ACOT7: variants seen among roughly 807,000 people sequenced by gnomAD.
The protein encoded by ACOT7 is acyl-CoA thioesterase 7.
Under a neutral mutation model 40.2 loss-of-function variants are expected in ACOT7, and 12 were observed. The ratio of observed to expected loss-of-function variants is 0.30; its 90% CI spans 0.19 to 0.48. The LOEUF (loss-of-function observed/expected upper bound fraction) is 0.48, where lower values mean the gene tolerates loss of function less well. Among genes scored for constraint, ACOT7 ranks in the 20% least tolerant of loss-of-function variants. The pLI is 0.99. For missense variants in ACOT7, 395 were observed against 530.8 expected, an observed-to-expected ratio of 0.74 and a Z score of 2.51; for synonymous variants, 228 against 219.5, an observed-to-expected ratio of 1.04 and a Z score of -0.34.
Position 6,318,566 on chromosome 1 carries a change from A to C in ACOT7, c.638T>G (p.Val213Gly). Residue 213 changes from valine (V) to glycine (G), a missense_variant, in exon 6 of 9, where the codon GTC becomes GGC. By Grantham distance (109) the Val-to-Gly change is moderately radical (BLOSUM62 -3). Transcript: ENST00000361521. ...QPVLNPEPNT[V>G]SYSQSSLIHL... Reference sequence around the variant, plus strand: ...GATCAAGCTGGACTGGCTGTAGCTGACAGTGTTCGGCTCTGGAATTGCAAA... The same window carrying C: ...GATCAAGCTGGACTGGCTGTAGCTGCCAGTGTTCGGCTCTGGAATTGCAAA... 6.2e-7 allele frequency: 1 copy of C among 1,614,096 alleles called. No homozygotes were observed. The highest frequency in any genetic ancestry group is 8.5e-7 in the Non-Finnish European group (1 of 1,179,976).
At chr1:6,279,898 G>A (rs1393287210) in intron 8 of ACOT7, among the ~76,000 whole-genome samples, 1 of 152,174 alleles carries the variant, frequency 6.6e-6, no homozygotes, top group Non-Finnish European at 1.5e-5. Context: ...GCGACTCGGC[G>A]GCCCTCCTCA....
At chr1:6,280,053 C>G (rs57590304) in intron 8 of ACOT7, among the ~76,000 whole-genome samples, 35,201 of 152,198 alleles carry the variant, frequency 0.23, 8,298 homozygotes, top group African/African-American at 0.61. Context: ...GAGCAGACGC[C>G]GCGGGGGCAG....
rs1640928183 is a variant in ACOT7 at position 6,330,595 on chromosome 1, G to A, written c.510+2882C>T. 6.6e-6 allele frequency among the ~76,000 whole-genome samples: 1 copy of A among 152,176 alleles called. No individual in the cohort carries two copies. Among genetic ancestry groups the A allele is most frequent in the Non-Finnish European group, 1.5e-5 (1 of 68,024 alleles). On this transcript the variant is annotated intron_variant, in intron 4 of 8. Transcript: ENST00000361521. The surrounding 1 kb of genome is among the most constrained non-coding windows in gnomAD (Gnocchi z 4.6). ...CCCACTCTACAAAGGAAATGAAAAA[G>A]CAACTGGGAGCTCCTCCAGGATGTG...
chr1:6,393,109 G>A (rs531302924), intron 1 of ACOT7, 148 bp downstream of exon 1: 59 of 926,454 alleles, frequency 6.4e-5, no homozygotes, highest in Non-Finnish European at 7.6e-5. Flanking sequence ...CCGGGCGGGC[G>A]TCCGGGGCGG....
chr1:6,360,442 C>T (rs1440830447), intron 1 of ACOT7: 5 of 1,315,530 alleles, frequency 3.8e-6, no homozygotes, highest in African/African-American at 1.5e-5. Flanking sequence ...CCTGAGTAGC[C>T]GGCATCCCAG....
intron 1 of ACOT7, among the ~76,000 whole-genome samples, chr1:6,360,088 A>T (rs1312415365): frequency 6.6e-6 from 1 of 152,264 alleles, no homozygotes; most frequent in African/African-American, 2.4e-5. Context: ...AAAAATAACA[A>T]GTCCTAAAAG....
chr1:6,303,275 A>C (rs1156976152), intron 6 of ACOT7, among the ~76,000 whole-genome samples: 1 of 152,180 alleles, frequency 6.6e-6, no homozygotes, highest in Non-Finnish European at 1.5e-5. Flanking sequence ...AGATGACAAC[A>C]AAATTGTAGG....
chr1:6,322,220 G>A (rs1640665841), intron 5 of ACOT7, among the ~76,000 whole-genome samples: 1 of 117,362 alleles, frequency 8.5e-6, no homozygotes, highest in African/African-American at 3.3e-5. Context: ...CAGATGCAAG[G>A]ACCTCTTGAC....
At chr1:6,375,584 G>A (rs916407959) in intron 1 of ACOT7, among the ~76,000 whole-genome samples, 1 of 151,884 alleles carries the variant, frequency 6.6e-6, no homozygotes, top group Non-Finnish European at 1.5e-5. Context: ...CAGAAGGATC[G>A]CTTGAACCCA....
intron 6 of ACOT7, among the ~76,000 whole-genome samples, chr1:6,296,613 C>T (rs1489957467): frequency 2.6e-5 from 4 of 152,132 alleles, no homozygotes; most frequent in East Asian, 1.9e-4. Context: ...TTAGTAGAGA[C>T]GGGGTTTCAC....
chr1:6,393,726 C>T lies in ACOT7; in HGVS notation c.-327G>A. ...GGGCGGCCTAAGTGGCGGAGCAGGG[C>T]GGACTTGGGCCCTCACTCTCCGCGC... On this transcript the variant is annotated 5_prime_UTR_variant, in exon 1 of 9. Transcript: ENST00000361521. The T allele has an allele frequency of 5.3e-6, 1 of 187,398 alleles. No individual in the cohort carries two copies. The highest frequency in any genetic ancestry group is 1.1e-5 in the Non-Finnish European group (1 of 91,506). The allele number at this position is 187,398 out of a possible 1,614,324, so 11.6% of individuals were successfully genotyped here.
At chr1:6,381,081 A>G (rs747033908) in intron 1 of ACOT7, among the ~76,000 whole-genome samples, 15 of 151,926 alleles carry the variant, frequency 9.9e-5, no homozygotes, top group Non-Finnish European at 2.1e-4. Flanking sequence ...ATACCACACT[A>G]TACCCATAAA....
intron 6 of ACOT7, chr1:6,295,540 T>C (rs1020672351): frequency 6.6e-6 from 1 of 152,114 alleles, no homozygotes; most frequent in African/African-American, 2.4e-5. Flanking sequence ...AGCCAAAAAG[T>C]GGAAACAACT....
intron 1 of ACOT7, among the ~76,000 whole-genome samples, chr1:6,362,437 A>G (rs1221683955): frequency 6.6e-6 from 1 of 152,018 alleles, no homozygotes; most frequent in Non-Finnish European, 1.5e-5. Context: ...TCTCAAAAAA[A>G]AAAAAGAAAA....
rs1641168208 is a variant in ACOT7 at position 6,338,369 on chromosome 1, C to A, written c.418+1064G>T. The stretch of plus-strand genomic sequence containing the variant: ...AGCCTCTCCCGAGTCGTGGGCGCTG[C>A]TCCTGTTGTGGGAGGTGCCCATACA... On this transcript the variant is annotated intron_variant, in intron 3 of 8. Transcript: ENST00000361521. This position sits in a 1 kb window ranked among gnomAD's most constrained non-coding sequence, Gnocchi z 4.4. 6.6e-6 allele frequency among the ~76,000 whole-genome samples: 1 copy of A among 152,208 alleles called. No individual in the cohort carries two copies. Among genetic ancestry groups the A allele is most frequent in the Admixed American group, 6.5e-5 (1 of 15,276 alleles).
At chr1:6,327,276 C>T (rs1164958460) in intron 5 of ACOT7, 23 bp downstream of exon 5, 15 of 1,612,376 alleles carry the variant, frequency 9.3e-6, no homozygotes, top group Non-Finnish European at 1.2e-5. Context: ...GTGGCACCTG[C>T]TGCTGGTGTC....
At chr1:6,369,512 T>C (rs1430472680) in intron 1 of ACOT7, among the ~76,000 whole-genome samples, 1 of 147,602 alleles carries the variant, frequency 6.8e-6, no homozygotes, top group Non-Finnish European at 1.5e-5. Flanking sequence ...GTTCAAGCAA[T>C]TCTCCTGCCT....
intron 1 of ACOT7, among the ~76,000 whole-genome samples, chr1:6,362,724 G>C (rs1641917077): frequency 6.6e-6 from 1 of 152,060 alleles, no homozygotes; most frequent in Non-Finnish European, 1.5e-5. Context: ...CCAGGCTCCA[G>C]AAAGATCTCT....
intron 5 of ACOT7, among the ~76,000 whole-genome samples, chr1:6,318,854 C>T: frequency 6.6e-6 from 1 of 152,202 alleles, no homozygotes; most frequent in South Asian, 2.1e-4. Flanking sequence ...CAGGGGTAGC[C>T]ATGAAACACC....
Sources: gnomAD v4.1 joint callset for allele counts (sites outside exome capture counted in the v4.1 genomes callset) on GRCh38, gnomAD v4.1.1 for gene constraint, Gnocchi (gnomAD v3.1) non-coding constraint, MANE v1.5 for transcripts, NCBI Gene and HGNC (gene_info 2026-07-23, HGNC 2026-07-21) for gene names.